Variants in KLRB1 observed in about 807,000 individuals in gnomAD.
KLRB1 encodes the protein killer cell lectin like receptor B1.
KLRB1 carries 27 observed loss-of-function variants against 33.5 expected under a neutral mutation model. The observed-to-expected ratio is 0.81, with a 90% CI of 0.59 to 1.11. KLRB1 has a LOEUF of 1.11. KLRB1 is among the 50% of genes most tolerant of loss of function. The pLI is 0.00. For synonymous variants in KLRB1, 64 were observed against 88.9 expected (o/e 0.72, Z 1.58); for missense variants, 241 against 254.1 (o/e 0.95, Z 0.35).
intron 1 of KLRB1, chr12:9,606,234 C>T (rs1864597115): frequency 6.6e-6 from 1 of 152,088 alleles, no homozygotes; most frequent in Non-Finnish European, 1.5e-5. Context: ...GATTGGTAAA[C>T]AATTGTAATA....
At chr12:9,607,374 T>TTCTTTCTC (rs1268987154) in intron 1 of KLRB1, among the ~76,000 whole-genome samples, 3,204 of 94,160 alleles carry the variant, frequency 0.034, 159 homozygotes, top group Non-Finnish European at 0.049. Context: ...CTTTCTTTCT[T>TTCTTTCTC]TCTTTCTTTC....
At position 9,598,150 on chromosome 12, in the gene KLRB1, CTG is replaced by C. The variant is rs1358100405; in HGVS notation, c.424_425del (p.Gln142GlufsTer5). On this transcript the variant is annotated frameshift_variant, in exon 5 of 6. Coordinates refer to ENST00000229402, the MANE Select transcript of KLRB1 (RefSeq NM_002258.3). LOFTEE classifies it high-confidence loss of function. ...GAATTGCTTTGTCACGTATCAGGTT[CTG>C]TGTGTGTATCTATAAATGGAACAGA... is the stretch of plus-strand genomic sequence containing the variant. ...IRDKDELIHT[Q>X]NLIRDKAILF... 20 of 1,599,820 alleles carry C rather than the reference CTG, an allele frequency of 1.3e-5. No homozygotes were observed. The highest frequency in any genetic ancestry group is 1.6e-5 in the Non-Finnish European group (19 of 1,168,704).
At position 9,598,129 on chromosome 12, in the gene KLRB1, T is replaced by C. The variant is rs80165137; in HGVS notation, c.447A>G (p.Ala149=). 2.3e-4 allele frequency: 361 copies of C among 1,603,494 alleles called. 3 individuals are homozygous for C. The African/African-American group carries it at 4.2e-3, about 19-fold the overall frequency. The part of the protein sequence containing the change: ...IHTQNLIRDK[A]ILFWIGLNFS... Reference sequence around the variant, plus strand: ...AATTTAATCCAATCCAAAACAGAATTGCTTTGTCACGTATCAGGTTCTGTG... The same window carrying C: ...AATTTAATCCAATCCAAAACAGAATCGCTTTGTCACGTATCAGGTTCTGTG... Residue 149 remains alanine, a synonymous_variant, in exon 5 of 6, where the codon GCA becomes GCG. Transcript: ENST00000229402.
chr12:9,605,760 C>A (rs1049926766), intron 1 of KLRB1, among the ~76,000 whole-genome samples: 1 of 152,170 alleles, frequency 6.6e-6, no homozygotes, highest in Non-Finnish European at 1.5e-5. Flanking sequence ...CAATATCAGA[C>A]CAGTGTTCTA....
Position 9,606,691 on chromosome 12 carries a change from G to GTATA in KLRB1, c.85+1060_85+1063dup, listed in dbSNP as rs56320334. Among the ~76,000 whole-genome samples the GTATA allele has an allele frequency of 1.4e-3, 101 of 73,350 alleles. 3 individuals carry two copies. The highest frequency in any genetic ancestry group is 2.6e-3 in the South Asian group (7 of 2,662). 48.1% of individuals were successfully genotyped at this position (73,350 alleles called of 152,430 possible). A position where few individuals can be genotyped will look rare whatever the true frequency, so the allele number is the denominator to read the frequency against. On this transcript the variant is annotated intron_variant, in intron 1 of 5. Transcript: ENST00000229402. ...AATATATAAAATATATGTATAAAAA[G>GTATA]TATATATATATATATAAAATATATA...
Position 9,595,290 on chromosome 12 carries a change from A to G in KLRB1, c.662T>C (p.Val221Ala). The G allele has an allele frequency of 6.2e-7, 1 of 1,613,354 alleles. No homozygotes were observed. Among genetic ancestry groups the G allele is most frequent in the South Asian group, 1.1e-5 (1 of 91,072 alleles). ...GATTCATAGTCAAGAGTCAGGATAC[A>G]CTTTATTTCTCACAGGTGTTAGTTC... ...QKELTPVRNK[V>A]YPDS Residue 221 changes from valine (V) to alanine (A), a missense_variant, in exon 6 of 6, where the codon GTG (valine) becomes GCG (alanine). Physicochemically the swap from Val to Ala is moderately conservative, Grantham distance 64. Coordinates refer to ENST00000229402, the MANE Select transcript of KLRB1 (RefSeq NM_002258.3).
At chr12:9,607,405 T>TTTCTTTCTTTCC (rs1565444748) in intron 1 of KLRB1, among the ~76,000 whole-genome samples, 2 of 48,038 alleles carry the variant, frequency 4.2e-5, no homozygotes, top group Non-Finnish European at 9.7e-5. Flanking sequence ...TCTTTCTTTC[T>TTTCTTTCTTTCC]TTTCTTTCTT....
intron 1 of KLRB1, among the ~76,000 whole-genome samples, chr12:9,603,502 G>T (rs1447969821): frequency 6.6e-6 from 1 of 151,898 alleles, no homozygotes; most frequent in East Asian, 1.9e-4. Flanking sequence ...TCAGCTCACC[G>T]CAACCTCCGC....
chr12:9,607,805 A>G lies in KLRB1; in HGVS notation c.35T>C (p.Leu12Ser). The change falls in exon 1 of 6, where the codon TTA (leucine) becomes TCA (serine). Residue 12 changes from leucine to serine, a missense_variant. Leu to Ser is a moderately radical substitution (Grantham distance 145). Coordinates refer to ENST00000229402, the MANE Select transcript of KLRB1 (RefSeq NM_002258.3). ...DQQAIYAELN[L>S]PTDSGPESSS... ...ACTTTCTGGGCCTGAGTCTGTGGGTAAGTTTAACTCAGCATATATTGCTTG... is the reference window on the plus strand; with the variant it reads ...ACTTTCTGGGCCTGAGTCTGTGGGTGAGTTTAACTCAGCATATATTGCTTG... 1 of 1,613,772 alleles carries G rather than the reference A, an allele frequency of 6.2e-7. No individual in the cohort carries two copies. The highest frequency in any genetic ancestry group is 8.5e-7 in the Non-Finnish European group (1 of 1,179,712).
intron 1 of KLRB1, among the ~76,000 whole-genome samples, chr12:9,602,107 A>C (rs778555492): frequency 6.6e-6 from 1 of 152,278 alleles, no homozygotes; most frequent in East Asian, 1.9e-4. Context: ...GTTGTCTAGA[A>C]CAATCATCTC....
chr12:9,607,187 C>T (rs929691539), intron 1 of KLRB1, among the ~76,000 whole-genome samples: 2 of 151,900 alleles, frequency 1.3e-5, no homozygotes, highest in Admixed American at 1.3e-4. Context: ...CTTAAATATT[C>T]CTTAGTTCAT....
intron 1 of KLRB1, among the ~76,000 whole-genome samples, chr12:9,603,858 C>G (rs779752237): frequency 6.6e-6 from 1 of 152,188 alleles, no homozygotes; most frequent in East Asian, 1.9e-4. Context: ...TACGTTCAAC[C>G]TTCATAACCC....
At chr12:9,605,626 G>A (rs927908392) in intron 1 of KLRB1, among the ~76,000 whole-genome samples, 3 of 152,138 alleles carry the variant, frequency 2.0e-5, no homozygotes, top group Non-Finnish European at 4.4e-5. Context: ...AAGCAAGATC[G>A]GTTATCACTC....
intron 1 of KLRB1, among the ~76,000 whole-genome samples, chr12:9,605,651 G>C (rs1864591370): frequency 1.3e-5 from 2 of 152,152 alleles, no homozygotes; most frequent in Admixed American, 1.3e-4. Flanking sequence ...CTCTCCTTCT[G>C]GTTTTGTTGA....
intron 1 of KLRB1, among the ~76,000 whole-genome samples, chr12:9,607,392 C>CTTTCTTTCTTTCTTTCTTTCTTTCT (rs1565444715): frequency 1.1e-5 from 1 of 87,504 alleles, no homozygotes; most frequent in Non-Finnish European, 2.4e-5. Context: ...TTCTTTCTTT[C>CTTTCTTTCTTTCTTTCTTTCTTTCT]TTTCTTTCTT....
chr12:9,606,750 A>T (rs1396867340), intron 1 of KLRB1, among the ~76,000 whole-genome samples: 100 of 28,914 alleles, frequency 3.5e-3, no homozygotes, highest in Middle Eastern at 0.019. Context: ...ATATATATAT[A>T]TATATATATA....
At chr12:9,600,754 A>C (rs373631639) in intron 2 of KLRB1, among the ~76,000 whole-genome samples, 2 of 151,612 alleles carry the variant, frequency 1.3e-5, no homozygotes, top group South Asian at 2.1e-4. Context: ...GGGACACAAA[A>C]ACTGCGGAAG....
intron 2 of KLRB1, among the ~76,000 whole-genome samples, chr12:9,600,700 A>G (rs964438416): frequency 2.0e-5 from 3 of 152,100 alleles, no homozygotes; most frequent in Non-Finnish European, 2.9e-5. Context: ...TGAAGGCAGC[A>G]TGCTCCTTAA....
intron 1 of KLRB1, among the ~76,000 whole-genome samples, chr12:9,603,164 A>G (rs772299069): frequency 6.6e-6 from 1 of 152,122 alleles, no homozygotes; most frequent in African/African-American, 2.4e-5. Flanking sequence ...GGCCCCAGGG[A>G]TATATCTGAA....
Sources: allele counts gnomAD v4.1 joint callset (sites outside exome capture counted in the v4.1 genomes callset), GRCh38; gene constraint gnomAD v4.1.1; transcripts MANE v1.5; gene names NCBI Gene and HGNC (gene_info 2026-07-23, HGNC 2026-07-21).